Variants in TENM2 observed in about 807,000 individuals in gnomAD.
TENM2 encodes the protein teneurin-2.
TENM2 carries 52 observed loss-of-function variants against 245.2 expected under a neutral mutation model. The ratio of observed to expected loss-of-function variants is 0.21; its 90% CI spans 0.17 to 0.27. The LOEUF (loss-of-function observed/expected upper bound fraction) is 0.27, where lower values mean the gene tolerates loss of function less well. Ranked by LOEUF, TENM2 falls within the 10% of genes least tolerant of loss-of-function variation. TENM2 has a pLI of 1.00. For synonymous variants in TENM2, 1,363 were observed against 1,438.9 expected (o/e 0.95, Z 1.19); for missense variants, 3,046 against 3,666.8 (o/e 0.83, Z 4.37).
intron 27 of TENM2, among the ~76,000 whole-genome samples, chr5:168,252,998 G>A (rs1164039024): frequency 1.3e-5 from 2 of 152,014 alleles, no homozygotes; most frequent in Non-Finnish European, 2.9e-5. Flanking sequence ...ACAGAGTCTT[G>A]CTCTGTCGCC....
At chr5:168,023,317 C>T (rs979713926) in intron 5 of TENM2, among the ~76,000 whole-genome samples, 1 of 152,206 alleles carries the variant, frequency 6.6e-6, no homozygotes, top group Admixed American at 6.5e-5. Context: ...GCATTCCCCC[C>T]ATCCAGCTGG....
At chr5:167,814,039 G>T (rs1276270784) in intron 2 of TENM2, among the ~76,000 whole-genome samples, 2 of 152,094 alleles carry the variant, frequency 1.3e-5, no homozygotes, top group Non-Finnish European at 2.9e-5. Context: ...CGTGAAGAAA[G>T]CCCCATACCT....
chr5:166,988,216 A>G, the TENM2 span, among the ~76,000 whole-genome samples: 35 of 152,296 alleles, frequency 2.3e-4, no homozygotes, highest in Middle Eastern at 3.4e-3. Context: ...AGATGTACAT[A>G]TCTCAATTCC....
chr5:168,155,292 A>G (rs1757052847), intron 12 of TENM2, among the ~76,000 whole-genome samples: 1 of 152,140 alleles, frequency 6.6e-6, no homozygotes, highest in Non-Finnish European at 1.5e-5. Context: ...CTATTATTAA[A>G]TAATGTCCAG....
At chr5:167,960,562 C>T (rs1780931423) in intron 4 of TENM2, among the ~76,000 whole-genome samples, 1 of 150,850 alleles carries the variant, frequency 6.6e-6, no homozygotes, top group Non-Finnish European at 1.5e-5. Flanking sequence ...CAAGCTGGAG[C>T]ATCCCAGGTC....
rs58866696 is a variant in TENM2, at chr5:167,920,515, TCACA to T, written c.713-32034_713-32031del. 4.1e-3 allele frequency among the ~76,000 whole-genome samples: 534 copies of T among 129,500 alleles called. 3 individuals are homozygous for T. Among genetic ancestry groups the T allele is most frequent in the African/African-American group, 7.0e-3 (239 of 33,914 alleles). 85.0% of individuals were successfully genotyped at this position (129,500 alleles called of 152,430 possible). A position where few individuals can be genotyped will look rare whatever the true frequency, so the allele number is the denominator to read the frequency against. ...CCTGGGCAACAAGAGCGAAACTCCATCACACACACACACACACACACACACACAC... is the reference window on the plus strand; with the variant it reads ...CCTGGGCAACAAGAGCGAAACTCCATCACACACACACACACACACACACAC... On this transcript the variant is annotated intron_variant, in intron 3 of 28. Transcript: ENST00000518659.
chr5:167,997,024 C>G (rs890584136), intron 5 of TENM2, among the ~76,000 whole-genome samples: 1 of 152,152 alleles, frequency 6.6e-6, no homozygotes, highest in African/African-American at 2.4e-5. Flanking sequence ...CAGCCATGAG[C>G]CACCACACCC....
intron 2 of TENM2, among the ~76,000 whole-genome samples, chr5:167,784,299 G>A (rs999005306): frequency 6.6e-5 from 10 of 152,124 alleles, no homozygotes; most frequent in African/African-American, 2.2e-4. Flanking sequence ...TTGTTTTGGG[G>A]GGTAAAGAAA....
chr5:167,312,270 GTT>G (rs1756079785), intron 1 of TENM2, among the ~76,000 whole-genome samples: 1 of 152,138 alleles, frequency 6.6e-6, no homozygotes, highest in East Asian at 1.9e-4. Flanking sequence ...TATTTAAAGA[GTT>G]TGTGCATACC....
chr5:166,989,990 A>G, the TENM2 span, among the ~76,000 whole-genome samples: 1 of 152,042 alleles, frequency 6.6e-6, no homozygotes, highest in South Asian at 2.1e-4. Flanking sequence ...AGTTAAAGAT[A>G]ATTCACCTGG....
intron 2 of TENM2, among the ~76,000 whole-genome samples, chr5:167,654,892 T>C (rs2150302615): frequency 6.6e-6 from 1 of 152,288 alleles, no homozygotes; most frequent in South Asian, 2.1e-4. Context: ...TGTGCTACTT[T>C]TGCAATAGAA....
At chr5:166,979,691 T>A in the TENM2 span, among the ~76,000 whole-genome samples, 1 of 152,144 alleles carries the variant, frequency 6.6e-6, no homozygotes, top group African/African-American at 2.4e-5. Context: ...CATGGTTTTC[T>A]ATGTATTTTT....
chr5:167,490,339 T>A (rs1281882110), intron 2 of TENM2, among the ~76,000 whole-genome samples: 1 of 152,200 alleles, frequency 6.6e-6, no homozygotes, highest in African/African-American at 2.4e-5. Flanking sequence ...ATTTTTAACA[T>A]CTTATATAAT....
chr5:167,807,475 A>T (rs2150977924), intron 2 of TENM2, among the ~76,000 whole-genome samples: 1 of 152,296 alleles, frequency 6.6e-6, no homozygotes, highest in East Asian at 1.9e-4. Context: ...GGAGTAAATA[A>T]AATGAGAAGA....
chr5:167,985,489 C>T (rs1783175813), intron 4 of TENM2, among the ~76,000 whole-genome samples: 2 of 152,168 alleles, frequency 1.3e-5, no homozygotes, highest in Admixed American at 6.5e-5. Context: ...TTTGCTGCCG[C>T]AGACTTCGTG....
intron 12 of TENM2, among the ~76,000 whole-genome samples, chr5:168,154,926 C>A (rs1044961845): frequency 6.6e-6 from 1 of 152,200 alleles, no homozygotes; most frequent in Non-Finnish European, 1.5e-5. Context: ...CAATTTGCCA[C>A]GTCTTTTCTA....
chr5:167,826,104 A>T (rs928639585), intron 2 of TENM2, among the ~76,000 whole-genome samples: 6 of 152,220 alleles, frequency 3.9e-5, no homozygotes, highest in African/African-American at 1.4e-4. Context: ...AAACAAACAA[A>T]CTAGCAAACA....
chr5:167,497,763 T>A (rs564618196), intron 2 of TENM2, among the ~76,000 whole-genome samples: 1 of 152,174 alleles, frequency 6.6e-6, no homozygotes, highest in Admixed American at 6.5e-5. Flanking sequence ...TAATATTTAT[T>A]GGGTACCCAT....
At chr5:167,891,640 G>A (rs185972228) in intron 3 of TENM2, among the ~76,000 whole-genome samples, 82 of 152,232 alleles carry the variant, frequency 5.4e-4, no homozygotes, top group African/African-American at 1.9e-3. Flanking sequence ...TTTGACACGG[G>A]AGTATACAGC....
Sources: gnomAD v4.1 joint callset for allele counts (sites outside exome capture counted in the v4.1 genomes callset) on GRCh38, gnomAD v4.1.1 for gene constraint, MANE v1.5 for transcripts, NCBI Gene and HGNC (gene_info 2026-07-23, HGNC 2026-07-21) for gene names.